RP1: variants seen among roughly 807,000 people sequenced by gnomAD.
RP1 encodes RP1 axonemal microtubule associated, also known as oxygen-regulated protein 1.
RP1 carries 16 observed loss-of-function variants against 14.8 expected under a neutral mutation model. The observed-to-expected ratio is 1.08, with a 90% CI of 0.73 to 1.65. The LOEUF (loss-of-function observed/expected upper bound fraction) is 1.65, where lower values mean the gene tolerates loss of function less well. RP1 is among the 40% of genes most tolerant of loss of function. The probability of loss-of-function intolerance (pLI) is 0.00; values close to 1 mark genes in which losing one functional copy is unlikely to be tolerated. For synonymous variants in RP1, 876 were observed against 883.6 expected (o/e 0.99, Z 0.15); for missense variants, 2,631 against 2,535.0 (o/e 1.04, Z -0.81).
chr8:54,825,829 G>C (rs1397965750), intron 24 of RP1, among the ~76,000 whole-genome samples: 1 of 152,102 alleles, frequency 6.6e-6, no homozygotes, highest in Non-Finnish European at 1.5e-5. Context: ...TCCACTGTGG[G>C]GGGCAGAGCA....
intron 19 of RP1, among the ~76,000 whole-genome samples, chr8:54,749,635 T>C (rs1185186246): frequency 1.3e-5 from 2 of 152,138 alleles, no homozygotes; most frequent in African/African-American, 2.4e-5. Flanking sequence ...GTTGGGACAG[T>C]GCCGGTCCCT....
intron 17 of RP1, among the ~76,000 whole-genome samples, chr8:54,728,140 G>A (rs1808703555): frequency 6.6e-6 from 1 of 151,992 alleles, no homozygotes; most frequent in South Asian, 2.1e-4. Flanking sequence ...GATTGCAGTG[G>A]GAGTGGTTTT....
At chr8:54,753,312 C>CA (rs1809419492) in intron 19 of RP1, among the ~76,000 whole-genome samples, 2 of 152,208 alleles carry the variant, frequency 1.3e-5, no homozygotes, top group Non-Finnish European at 2.9e-5. Context: ...ACAAACGACC[C>CA]AAGGACAGCC....
chr8:54,663,915 A>T (rs150782166), intron 7 of RP1: 2 of 1,358,744 alleles, frequency 1.5e-6, no homozygotes, highest in Non-Finnish European at 1.9e-6. Context: ...AATAAGATTT[A>T]CTGTTGTAAC....
chr8:54,663,803 A>G, exon 7 of RP1: 1 of 1,534,906 alleles, frequency 6.5e-7, no homozygotes, highest in Non-Finnish European at 8.7e-7. Context: ...TACAGGATCC[A>G]GACAACTATT....
rs138747990 is a variant in RP1 at position 54,576,726 on chromosome 8, G to C, written c.-13+17406G>C. 1.6e-3 allele frequency among the ~76,000 whole-genome samples: 238 copies of C among 152,338 alleles called. 2 individuals carry two copies. Among genetic ancestry groups the C allele is most frequent in the African/African-American group, 5.3e-3 (219 of 41,578 alleles). On this transcript the variant is annotated intron_variant, in intron 1 of 22. Transcript: ENST00000636932. ...TCTGGAAGTGAAAACACTGGGAAGT[G>C]ATTTATCTTCAGGGCAAGAGTTAAT...
At chr8:54,786,073 G>A (rs141235774) in intron 24 of RP1, among the ~76,000 whole-genome samples, 12 of 152,054 alleles carry the variant, frequency 7.9e-5, no homozygotes, top group East Asian at 5.8e-4. Flanking sequence ...TTTTTCTCCC[G>A]TTTTTTGAGT....
chr8:54,656,100 G>A (rs769644470), exon 6 of RP1: 160 of 1,531,344 alleles, frequency 1.0e-4, no homozygotes, highest in Middle Eastern at 3.3e-4. Flanking sequence ...TGCATAATAT[G>A]AATTCTGGAA....
intron 25 of RP1, among the ~76,000 whole-genome samples, chr8:54,849,862 A>G (rs1812018045): frequency 6.6e-6 from 1 of 152,184 alleles, no homozygotes; most frequent in Non-Finnish European, 1.5e-5. Flanking sequence ...ATAAATAATA[A>G]AAAAATAAAG....
chr8:54,764,929 G>A (rs373123939), intron 22 of RP1, among the ~76,000 whole-genome samples: 5 of 150,496 alleles, frequency 3.3e-5, no homozygotes, highest in Non-Finnish European at 7.4e-5. Context: ...AAAAAAAGAC[G>A]TGTCCTACTG....
At chr8:54,674,032 A>G in intron 8 of RP1, 1 of 828,490 alleles carries the variant, frequency 1.2e-6, no homozygotes, top group Non-Finnish European at 1.9e-6. Flanking sequence ...TAGAAAATGG[A>G]TCTCTATGTA....
At chr8:54,831,172 A>G (rs1180232380) in intron 24 of RP1, among the ~76,000 whole-genome samples, 1 of 152,056 alleles carries the variant, frequency 6.6e-6, no homozygotes, top group African/African-American at 2.4e-5. Context: ...ATATTTATGT[A>G]CAAGTATTTG....
chr8:54,653,143 C>G (rs1806690021), intron 5 of RP1, among the ~76,000 whole-genome samples: 1 of 152,078 alleles, frequency 6.6e-6, no homozygotes, highest in Non-Finnish European at 1.5e-5. Context: ...AGTTGCACTG[C>G]TGATAAAAAG....
chr8:54,766,461 C>T lies in RP1; in HGVS notation c.3249-3280C>T, dbSNP rs144115808. Among the ~76,000 whole-genome samples, 252 of 152,032 alleles carry T rather than the reference C, an allele frequency of 1.7e-3. 1 individual carries two copies. Among genetic ancestry groups the T allele is most frequent in the East Asian group, 0.011 (58 of 5,162 alleles). On this transcript the variant is annotated intron_variant, in intron 22 of 22. Transcript: ENST00000636932. ...TTCTGTGCTCTTCTTTGTCAGTTTA[C>T]GCCATTCCTTGGTGCGAAAGTGACA...
At chr8:54,713,865 A>G (rs1206719486) in intron 15 of RP1, among the ~76,000 whole-genome samples, 1 of 152,250 alleles carries the variant, frequency 6.6e-6, no homozygotes, top group East Asian at 1.9e-4. Context: ...ATTTTCTAAA[A>G]AATGGTCTTA....
At chr8:54,603,766 T>C (rs1197050356) in intron 1 of RP1, among the ~76,000 whole-genome samples, 1 of 152,160 alleles carries the variant, frequency 6.6e-6, no homozygotes, top group East Asian at 1.9e-4. Flanking sequence ...CCCTTGTAAG[T>C]TGGATTCCTA....
intron 3 of RP1, among the ~76,000 whole-genome samples, chr8:54,642,852 A>G (rs1806476638): frequency 6.6e-6 from 1 of 152,158 alleles, no homozygotes; most frequent in African/African-American, 2.4e-5. Flanking sequence ...GAGAAAGCCC[A>G]TTTCTTCGGA....
intron 1 of RP1, among the ~76,000 whole-genome samples, chr8:54,597,964 A>C (rs1805186355): frequency 6.6e-6 from 1 of 152,062 alleles, no homozygotes; most frequent in Non-Finnish European, 1.5e-5. Context: ...GAATTGTTTG[A>C]TTTCATAAAG....
At chr8:54,768,410 C>T (rs1052336894) in intron 22 of RP1, among the ~76,000 whole-genome samples, 2 of 152,160 alleles carry the variant, frequency 1.3e-5, no homozygotes, top group Non-Finnish European at 2.9e-5. Flanking sequence ...ACACTGGAAG[C>T]TCCTCAGGTC....
Sources: gnomAD v4.1 joint callset for allele counts (sites outside exome capture counted in the v4.1 genomes callset) on GRCh38, gnomAD v4.1.1 for gene constraint, MANE v1.5 for transcripts, NCBI Gene and HGNC (gene_info 2026-07-23, HGNC 2026-07-21) for gene names.